Variants in NIM1K observed in about 807,000 individuals in gnomAD.
NIM1K encodes serine/threonine-protein kinase NIM1.
In NIM1K, 35 loss-of-function variants were observed where a neutral mutation model predicts 37.1. That is an observed-to-expected ratio of 0.94 (90% CI 0.72 to 1.25). The LOEUF (loss-of-function observed/expected upper bound fraction) is 1.25. Among genes scored for constraint, NIM1K ranks in the 50% most tolerant of loss-of-function variants. The pLI is 0.00. For synonymous variants in NIM1K, 234 were observed against 206.6 expected (o/e 1.13, Z -1.14); for missense variants, 564 against 548.0 (o/e 1.03, Z -0.29).
intron 2 of NIM1K, among the ~76,000 whole-genome samples, chr5:43,259,655 G>T (rs188859218): frequency 1.4e-4 from 22 of 152,044 alleles, no homozygotes; most frequent in Non-Finnish European, 2.5e-4. Context: ...TTGCTAATTT[G>T]TTTGAGTTCC....
chr5:43,230,610 C>G (rs1462712728), intron 1 of NIM1K, among the ~76,000 whole-genome samples: 5 of 152,202 alleles, frequency 3.3e-5, no homozygotes, highest in African/African-American at 1.2e-4. Flanking sequence ...CAAATAGACA[C>G]CTCCCACTCC....
At chr5:43,211,059 C>T (rs1442871274) in intron 1 of NIM1K, among the ~76,000 whole-genome samples, 1 of 152,142 alleles carries the variant, frequency 6.6e-6, no homozygotes, top group East Asian at 1.9e-4. Flanking sequence ...GTAATCCCAG[C>T]TACTCAGGAG....
At chr5:43,269,226 C>A (rs900278830) in intron 2 of NIM1K, among the ~76,000 whole-genome samples, 3 of 138,944 alleles carry the variant, frequency 2.2e-5, no homozygotes, top group Admixed American at 1.6e-4. Context: ...AGGAGAATTG[C>A]TTGTACCCGG....
chr5:43,232,631 C>T (rs1164074128), intron 1 of NIM1K: 1 of 1,556,220 alleles, frequency 6.4e-7, no homozygotes, highest in Non-Finnish European at 8.7e-7. Flanking sequence ...GGCTCAACTA[C>T]AGCTGTGGAA....
intron 2 of NIM1K, among the ~76,000 whole-genome samples, chr5:43,247,202 A>C (rs563331703): frequency 2.6e-5 from 4 of 152,090 alleles, no homozygotes; most frequent in African/African-American, 9.7e-5. Flanking sequence ...CACGTCTTCT[A>C]TACTCTTGCT....
At chr5:43,258,903 G>C (rs1204568194) in intron 2 of NIM1K, among the ~76,000 whole-genome samples, 3 of 152,020 alleles carry the variant, frequency 2.0e-5, no homozygotes, top group Non-Finnish European at 4.4e-5. Context: ...CCAATACGTA[G>C]TTTTTAATCC....
intron 1 of NIM1K, among the ~76,000 whole-genome samples, chr5:43,218,242 C>A (rs574514984): frequency 4.6e-5 from 7 of 151,924 alleles, no homozygotes; most frequent in Admixed American, 2.6e-4. Context: ...AACTCCTGAC[C>A]TCAAGTGATC....
chr5:43,215,064 T>C (rs1752280710), intron 1 of NIM1K, among the ~76,000 whole-genome samples: 1 of 152,232 alleles, frequency 6.6e-6, no homozygotes, highest in South Asian at 2.1e-4. Context: ...GTCCAGTCTC[T>C]AGAGCTCAAG....
intron 2 of NIM1K, among the ~76,000 whole-genome samples, chr5:43,254,189 G>A (rs1245864369): frequency 6.6e-6 from 1 of 152,176 alleles, no homozygotes; most frequent in Non-Finnish European, 1.5e-5. Flanking sequence ...GAAAAACCTT[G>A]TGATCAATGG....
At chr5:43,263,708 A>C (rs938175118) in intron 2 of NIM1K, among the ~76,000 whole-genome samples, 1 of 151,806 alleles carries the variant, frequency 6.6e-6, no homozygotes, top group South Asian at 2.1e-4. Context: ...TTTAATTGTG[A>C]TGTTAGGGTG....
chr5:43,241,552 G>C (rs1752703436), intron 1 of NIM1K, among the ~76,000 whole-genome samples: 1 of 152,032 alleles, frequency 6.6e-6, no homozygotes, highest in South Asian at 2.1e-4. Flanking sequence ...TGTTGGCCAG[G>C]AGGATATCGA....
chr5:43,267,824 G>T (rs1479936811), intron 2 of NIM1K, among the ~76,000 whole-genome samples: 2 of 152,124 alleles, frequency 1.3e-5, no homozygotes, highest in African/African-American at 4.8e-5. Flanking sequence ...TGCTTGATAT[G>T]ATTTTGATTT....
intron 1 of NIM1K, among the ~76,000 whole-genome samples, chr5:43,213,221 C>A (rs10053824): frequency 4.6e-5 from 2 of 43,166 alleles, no homozygotes; most frequent in South Asian, 1.5e-3. Flanking sequence ...TTCTTTCTTT[C>A]TTTCCTTCTT....
At chr5:43,239,751 T>C (rs886913095) in intron 1 of NIM1K, among the ~76,000 whole-genome samples, 3 of 152,120 alleles carry the variant, frequency 2.0e-5, no homozygotes, top group Non-Finnish European at 4.4e-5. Context: ...GGTCTCAAAC[T>C]CCTGACCTCA....
chr5:43,235,551 A>T (rs899299017), intron 1 of NIM1K, among the ~76,000 whole-genome samples: 1 of 152,186 alleles, frequency 6.6e-6, no homozygotes, highest in Non-Finnish European at 1.5e-5. Context: ...TCTATACTGA[A>T]TTGTTTTCAT....
In NIM1K at chr5:43,207,670, T is replaced by C. The variant is rs991313291; in HGVS notation, c.-695+15259T>C. 1.2e-5 allele frequency: 7 copies of C among 562,106 alleles called. No individual in the cohort carries two copies. The Admixed American group carries it at 1.5e-4, about 12-fold the overall frequency. 34.8% of individuals were successfully genotyped at this position (562,106 alleles called of 1,614,324 possible). On this transcript the variant is annotated intron_variant, in intron 1 of 3. Transcript: ENST00000326035. ...ATCTGACGGAAGCGCTGTTGCTCTA[T>C]GAAGAACAGCTGGAGAATTCTTCAT...
intron 1 of NIM1K, among the ~76,000 whole-genome samples, chr5:43,199,993 G>C (rs182870310): frequency 4.6e-5 from 7 of 151,242 alleles, no homozygotes; most frequent in Admixed American, 3.3e-4. Flanking sequence ...CTCCTGCTTC[G>C]GCCTCCTGAG....
chr5:43,263,599 G>C lies in NIM1K; in HGVS notation c.293-13458G>C, dbSNP rs1171061123. Among the ~76,000 whole-genome samples, 15 of 150,144 alleles carry C rather than the reference G, an allele frequency of 1.0e-4. No individual in the cohort carries two copies. In the East Asian group the frequency reaches 2.7e-3, roughly 27 times the overall value. The stretch of plus-strand genomic sequence containing the variant: ...CATTGATTTTTTTATTTTTTTAAGG[G>C]TTTTTGGTGTCTCCATCTCCTTCAG... On this transcript the variant is annotated intron_variant, in intron 2 of 3. Transcript: ENST00000326035.
chr5:43,216,191 C>CT (rs1354016671), intron 1 of NIM1K, among the ~76,000 whole-genome samples: 2 of 152,120 alleles, frequency 1.3e-5, no homozygotes, highest in African/African-American at 4.8e-5. Flanking sequence ...CTAAATAAGG[C>CT]TTTTTCTGAA....
Sources: gnomAD v4.1 joint callset for allele counts (sites outside exome capture counted in the v4.1 genomes callset) on GRCh38, gnomAD v4.1.1 for gene constraint, MANE v1.5 for transcripts, NCBI Gene and HGNC (gene_info 2026-07-23, HGNC 2026-07-21) for gene names.